The following EIF2AK2 variants were observed in gnomAD, a reference collection of about 807,000 sequenced individuals.
The protein encoded by EIF2AK2 is eukaryotic translation initiation factor 2 alpha kinase 2, also known as interferon-induced, double-stranded RNA-activated protein kinase.
A neutral mutation model predicts 70.5 loss-of-function variants in EIF2AK2; 40 were observed. That is an observed-to-expected ratio of 0.57 (90% confidence interval 0.44 to 0.74). EIF2AK2 has a LOEUF of 0.74. Among genes scored for constraint, EIF2AK2 ranks in the 30% least tolerant of loss-of-function variants. The pLI, the probability that EIF2AK2 is intolerant of heterozygous loss-of-function variation, is 0.00. For missense variants in EIF2AK2, 555 were observed against 644.3 expected, an observed-to-expected ratio of 0.86 and a Z score of 1.50; for synonymous variants, 198 against 220.9, an observed-to-expected ratio of 0.90 and a Z score of 0.92.
At position 37,123,988 on chromosome 2, in the gene EIF2AK2, G is replaced by C. The variant is rs567862394; in HGVS notation, c.909-1324C>G. On this transcript the variant is annotated intron_variant, in intron 11 of 16. Coordinates refer to ENST00000233057, the MANE Select transcript of EIF2AK2 (RefSeq NM_001135651.3). ...ATTTTAGATTCTTCCTTTTTTTTTT[G>C]AGACAGGGTCTCACTCTGTCACCCA... Among the ~76,000 whole-genome samples, 439 of 142,784 alleles carry C rather than the reference G, an allele frequency of 3.1e-3. 6 individuals are homozygous for C. Among genetic ancestry groups the C allele is most frequent in the African/African-American group, 0.011 (423 of 37,098 alleles). 93.7% of individuals were successfully genotyped at this position (142,784 alleles called of 152,430 possible). A position where few individuals can be genotyped will look rare whatever the true frequency, so the allele number is the denominator to read the frequency against.
intron 14 of EIF2AK2, among the ~76,000 whole-genome samples, chr2:37,110,125 C>G (rs1674096314): frequency 1.3e-5 from 2 of 151,706 alleles, no homozygotes; most frequent in Non-Finnish European, 2.9e-5. Context: ...GGCTGGAATG[C>G]AGTGGCGTGG....
intron 6 of EIF2AK2, among the ~76,000 whole-genome samples, chr2:37,139,127 C>T (rs989759800): frequency 3.3e-5 from 5 of 151,736 alleles, no homozygotes; most frequent in African/African-American, 1.2e-4. Context: ...ACCAGCCTGG[C>T]CAACATAGTG....
intron 10 of EIF2AK2, among the ~76,000 whole-genome samples, chr2:37,134,156 T>G (rs1675043288): frequency 6.6e-6 from 1 of 152,208 alleles, no homozygotes. Flanking sequence ...AGGAGCTTCC[T>G]TTTTTGAAAG....
chr2:37,121,710 A>T (rs769077273), intron 12 of EIF2AK2, among the ~76,000 whole-genome samples: 14 of 147,886 alleles, frequency 9.5e-5, no homozygotes, highest in Non-Finnish European at 1.6e-4. Context: ...TATATATGTC[A>T]GCTTGAAAAC....
intron 1 of EIF2AK2, among the ~76,000 whole-genome samples, chr2:37,150,722 G>A (rs775758382): frequency 4.6e-5 from 7 of 152,096 alleles, no homozygotes; most frequent in Admixed American, 6.6e-5. Context: ...TTCTCCCCAC[G>A]TATTCTTCAA....
chr2:37,119,412 A>G (rs549586982), intron 13 of EIF2AK2, among the ~76,000 whole-genome samples: 1 of 152,110 alleles, frequency 6.6e-6, no homozygotes, highest in Admixed American at 6.5e-5. Flanking sequence ...CTGCCTCTCA[A>G]ATAAAGCTGA....
Position 37,109,230 on chromosome 2 carries a change from A to T in EIF2AK2, c.1443T>A (p.Leu481=). The change falls in exon 15 of 17, where the codon CTT becomes CTA. Residue 481 remains leucine, a synonymous_variant. Transcript: ENST00000233057. ...LYALGLILAE[L]LHVCDTAFET... ...CAAAAGCAGTGTCACATACATGAAG[A>T]AGTTCAGCAAGAATTAGCCCCAAAG... is the stretch of plus-strand genomic sequence containing the variant. 1 of 1,614,170 alleles carries T rather than the reference A, an allele frequency of 6.2e-7. No homozygotes were observed. The highest frequency in any genetic ancestry group is 8.5e-7 in the Non-Finnish European group (1 of 1,180,000).
At position 37,118,743 on chromosome 2, in the gene EIF2AK2, G is replaced by T. The variant is rs1245966692; in HGVS notation, c.1248+1216C>A. Among the ~76,000 whole-genome samples the T allele has an allele frequency of 2.0e-5, 3 of 152,188 alleles. No homozygotes were observed. In the East Asian group the frequency reaches 5.8e-4, roughly 29 times the overall value. Reference sequence around the variant, plus strand: ...ACAGACTCAAAACACCAATGCATCAGACATCCAGCCCCTGGGCAGACCACG... The same window carrying T: ...ACAGACTCAAAACACCAATGCATCATACATCCAGCCCCTGGGCAGACCACG... On this transcript the variant is annotated intron_variant, in intron 13 of 16. Coordinates refer to ENST00000233057, the MANE Select transcript of EIF2AK2 (RefSeq NM_001135651.3).
intron 14 of EIF2AK2, among the ~76,000 whole-genome samples, chr2:37,113,265 G>A (rs1674220155): frequency 6.6e-6 from 1 of 152,074 alleles, no homozygotes; most frequent in African/African-American, 2.4e-5. Context: ...GGAGGCCAAG[G>A]TGGGTGGATT....
chr2:37,154,020 G>T (rs1300658907), intron 1 of EIF2AK2, among the ~76,000 whole-genome samples: 1 of 152,088 alleles, frequency 6.6e-6, no homozygotes, highest in Non-Finnish European at 1.5e-5. Flanking sequence ...GCCACATCAT[G>T]ATCTTTTTAA....
intron 13 of EIF2AK2, among the ~76,000 whole-genome samples, chr2:37,118,305 C>T (rs1430385095): frequency 6.6e-6 from 1 of 151,922 alleles, no homozygotes; most frequent in Admixed American, 6.6e-5. Flanking sequence ...AAGAGCAAGA[C>T]CTTGTCTCAA....
At chr2:37,149,172 G>A (rs2148714497) in intron 1 of EIF2AK2, 149 bp from the exon 2 acceptor site, 1 of 1,032,196 alleles carries the variant, frequency 9.7e-7, no homozygotes, top group Non-Finnish European at 1.5e-6. Context: ...GATTGTTTAG[G>A]ATGTTTCTAT....
intron 5 of EIF2AK2, among the ~76,000 whole-genome samples, chr2:37,140,154 G>C (rs1675278865): frequency 6.6e-6 from 1 of 152,180 alleles, no homozygotes; most frequent in South Asian, 2.1e-4. Flanking sequence ...AGCAGAGAAA[G>C]TAGGCTTCCA....
intron 3 of EIF2AK2, among the ~76,000 whole-genome samples, chr2:37,147,299 C>T (rs1436044726): frequency 6.6e-6 from 1 of 150,914 alleles, no homozygotes; most frequent in African/African-American, 2.5e-5. Context: ...AAGGTCATAT[C>T]TTTTTTCTTT....
At chr2:37,130,281 T>C (rs904516862) in intron 10 of EIF2AK2, among the ~76,000 whole-genome samples, 2 of 152,136 alleles carry the variant, frequency 1.3e-5, no homozygotes, top group Non-Finnish European at 2.9e-5. Flanking sequence ...TTTGTATTTT[T>C]AGTAGAGATG....
Position 37,122,507 on chromosome 2 carries a change from T to G in EIF2AK2, c.1066A>C (p.Arg356=). Residue 356 remains arginine, a splice_region_variant and synonymous_variant, in exon 12 of 17, where the codon AGG becomes CGG. Coordinates refer to ENST00000233057, the MANE Select transcript of EIF2AK2 (RefSeq NM_001135651.3). ...CTATGAGAATTTATTTTTAGTTACC[T>G]TGAACTATTTTTGCTGTTCTCAGGA... ...YDPENSKNSS[R]SKTKCLFIQM... is the part of the protein sequence containing the mutation. 2 of 1,611,326 alleles carry G rather than the reference T, an allele frequency of 1.2e-6. No homozygotes were observed. Among genetic ancestry groups the G allele is most frequent in the Non-Finnish European group, 1.7e-6 (2 of 1,179,446 alleles).
At chr2:37,148,746 C>T (rs1207941029) in intron 2 of EIF2AK2, 111 bp downstream of exon 2, 7 of 834,378 alleles carry the variant, frequency 8.4e-6, no homozygotes, top group East Asian at 2.5e-5. Flanking sequence ...TTACAGAAGT[C>T]GTGTTGTGAC....
At chr2:37,126,513 TA>T in intron 10 of EIF2AK2, 102 bp from the exon 11 acceptor site, 2 of 1,473,448 alleles carry the variant, frequency 1.4e-6, no homozygotes, top group South Asian at 2.8e-5. Flanking sequence ...AAATGGACAA[TA>T]AAACAAATTT....
chr2:37,146,687 C>T (rs1675550860), intron 4 of EIF2AK2, among the ~76,000 whole-genome samples, 166 bp downstream of exon 4: 1 of 152,182 alleles, frequency 6.6e-6, no homozygotes, highest in African/African-American at 2.4e-5. Context: ...GTGGCTCTCA[C>T]TCAGGGTTTC....
Sources: gnomAD v4.1 joint callset for allele counts (sites outside exome capture counted in the v4.1 genomes callset) on GRCh38, gnomAD v4.1.1 for gene constraint, MANE v1.5 for transcripts, NCBI Gene and HGNC (gene_info 2026-07-23, HGNC 2026-07-21) for gene names.